ADAMTSL3: variants seen among roughly 807,000 people sequenced by gnomAD.
ADAMTSL3 encodes the protein ADAMTS-like protein 3.
A neutral mutation model predicts 201.7 loss-of-function variants in ADAMTSL3; 128 were observed. The observed-to-expected ratio is 0.63, with a 90% confidence interval of 0.55 to 0.73. ADAMTSL3 has a LOEUF of 0.73. Ranked by LOEUF, ADAMTSL3 falls within the 30% of genes least tolerant of loss-of-function variation. The pLI, the probability that ADAMTSL3 is intolerant of heterozygous loss-of-function variation, is 0.00. For synonymous variants in ADAMTSL3, 738 were observed against 748.4 expected, an observed-to-expected ratio of 0.99 and a Z score of 0.23; for missense variants, 1,990 against 2,119.6, an observed-to-expected ratio of 0.94 and a Z score of 1.20.
chr15:84,023,904 C>T (rs953421853), intron 26 of ADAMTSL3, among the ~76,000 whole-genome samples: 1 of 152,220 alleles, frequency 6.6e-6, no homozygotes, highest in African/African-American at 2.4e-5. Flanking sequence ...AAATAAAATA[C>T]ATTTGATTAC....
intron 23 of ADAMTSL3, among the ~76,000 whole-genome samples, chr15:83,996,548 G>T (rs868163835): frequency 6.6e-6 from 1 of 152,016 alleles, no homozygotes; most frequent in Admixed American, 6.6e-5. Flanking sequence ...TTGGGAGGCC[G>T]AGGCAGGCAG....
intron 10 of ADAMTSL3, among the ~76,000 whole-genome samples, chr15:83,888,681 CCTAGATTGCCA>C (rs2065445294): frequency 1.3e-5 from 2 of 152,106 alleles, no homozygotes; most frequent in Non-Finnish European, 2.9e-5. Flanking sequence ...GGAGAAGGTA[CCTAGATTGCCA>C]TTGCCATCTG....
intron 8 of ADAMTSL3, among the ~76,000 whole-genome samples, chr15:83,865,130 A>G (rs2141807320): frequency 6.6e-6 from 1 of 152,326 alleles, no homozygotes; most frequent in Admixed American, 6.5e-5. Context: ...AAACAAGTGG[A>G]AGAACATTCC....
chr15:83,661,315 G>A (rs2061159962), intron 2 of ADAMTSL3, among the ~76,000 whole-genome samples: 1 of 151,134 alleles, frequency 6.6e-6, no homozygotes, highest in Non-Finnish European at 1.5e-5. Flanking sequence ...CCAATTCTGT[G>A]AAGAAAGGCA....
chr15:83,671,977 C>T (rs755208994), intron 2 of ADAMTSL3, among the ~76,000 whole-genome samples: 44 of 152,174 alleles, frequency 2.9e-4, no homozygotes, highest in Non-Finnish European at 5.7e-4. Flanking sequence ...GGATATTTAA[C>T]GCCTTTGTGC....
At position 83,704,521 on chromosome 15, in the gene ADAMTSL3, G is replaced by T; in HGVS notation, c.189+13G>T. ...CTATGATGACCAGGTAAGAACATTG[G>T]ACAAGGATCTACCTTTGGCTTTGCT... On this transcript the variant is annotated intron_variant, in intron 3 of 29. Transcript: ENST00000286744. The T allele has an allele frequency of 6.2e-7, 1 of 1,614,024 alleles. No homozygotes were observed. The highest frequency in any genetic ancestry group is 8.5e-7 in the Non-Finnish European group (1 of 1,179,986).
At chr15:83,754,872 A>G (rs2062694022) in intron 3 of ADAMTSL3, among the ~76,000 whole-genome samples, 1 of 152,218 alleles carries the variant, frequency 6.6e-6, no homozygotes, top group African/African-American at 2.4e-5. Flanking sequence ...AGGTGAGGAG[A>G]TTGGCGTTAC....
chr15:83,747,100 T>G (rs750317314), intron 3 of ADAMTSL3, among the ~76,000 whole-genome samples: 4 of 152,144 alleles, frequency 2.6e-5, no homozygotes, highest in Non-Finnish European at 5.9e-5. Flanking sequence ...TAGATGGGGT[T>G]TAAGAGAAGG....
intron 23 of ADAMTSL3, among the ~76,000 whole-genome samples, chr15:83,997,414 C>T (rs1231288367): frequency 3.9e-5 from 6 of 152,028 alleles, no homozygotes; most frequent in African/African-American, 1.2e-4. Flanking sequence ...ATGATGAAAC[C>T]CTGTCTCTAC....
At position 83,773,529 on chromosome 15, in the gene ADAMTSL3, A is replaced by G. The variant is rs1425192569; in HGVS notation, c.196A>G (p.Arg66Gly). The G allele has an allele frequency of 1.9e-6, 3 of 1,613,928 alleles. No individual in the cohort carries two copies. The South Asian group carries it at 3.3e-5, about 18-fold the overall frequency. The change falls in exon 4 of 30, where the codon AGA becomes GGA. Residue 66 changes from arginine (R) to glycine (G), a missense_variant. Physicochemically the swap from Arg to Gly is moderately radical, Grantham distance 125. Transcript: ENST00000286744. ...TTTGCTTTTTAACATCTAGACCTCA[A>G]GAAACACTCGTTCAGATGAAGACAA... ...LTYRYDDQTS[R>G]NTRSDEDKDG...
intron 6 of ADAMTSL3, chr15:83,825,053 T>G (rs1415225186): frequency 6.6e-6 from 1 of 152,174 alleles, no homozygotes; most frequent in Non-Finnish European, 1.5e-5. Flanking sequence ...TGTACCACAG[T>G]TTATCCATTC....
intron 2 of ADAMTSL3, among the ~76,000 whole-genome samples, chr15:83,700,402 A>G (rs1415868959): frequency 6.6e-6 from 1 of 152,192 alleles, no homozygotes; most frequent in Non-Finnish European, 1.5e-5. Context: ...TCTCAGAGCT[A>G]TAGTTTACTC....
intron 4 of ADAMTSL3, among the ~76,000 whole-genome samples, chr15:83,784,014 T>C (rs2141800442): frequency 6.6e-6 from 1 of 152,310 alleles, no homozygotes; most frequent in East Asian, 1.9e-4. Flanking sequence ...TGCAGCTTTA[T>C]GTTATTATGG....
chr15:83,762,941 C>T (rs2062830857), intron 3 of ADAMTSL3, among the ~76,000 whole-genome samples: 2 of 151,420 alleles, frequency 1.3e-5, no homozygotes, highest in Non-Finnish European at 2.9e-5. Flanking sequence ...GGCTGGAGTG[C>T]AGTGATGCAG....
At chr15:84,006,266 A>G (rs933066652) in intron 23 of ADAMTSL3, among the ~76,000 whole-genome samples, 1 of 152,202 alleles carries the variant, frequency 6.6e-6, no homozygotes, top group African/African-American at 2.4e-5. Flanking sequence ...ATGATTCCCC[A>G]GAGATAACTG....
chr15:83,814,414 C>G (rs1183966673), intron 5 of ADAMTSL3, among the ~76,000 whole-genome samples: 4 of 152,166 alleles, frequency 2.6e-5, no homozygotes, highest in Admixed American at 2.6e-4. Context: ...TAAGATTTAT[C>G]TCTTATTTAA....
intron 3 of ADAMTSL3, among the ~76,000 whole-genome samples, chr15:83,772,983 T>C (rs1451115582): frequency 6.6e-6 from 1 of 152,186 alleles, no homozygotes; most frequent in African/African-American, 2.4e-5. Context: ...AATTTAGCAA[T>C]GATAAAATTT....
chr15:83,800,847 A>G (rs1381344886), intron 4 of ADAMTSL3, among the ~76,000 whole-genome samples: 1 of 152,222 alleles, frequency 6.6e-6, no homozygotes, highest in Non-Finnish European at 1.5e-5. Context: ...GCTTTTCCAA[A>G]ATAAGAGAGT....
In ADAMTSL3 at chr15:83,758,141, C is replaced by T. The variant is rs896833972; in HGVS notation, c.190-15382C>T. ...TTCAGGTATCTTTACAGCAGCACCC[C>T]ACTCTACCAGTACCAATTTACTGTA... is the stretch of plus-strand genomic sequence containing the variant. On this transcript the variant is annotated intron_variant, in intron 3 of 29. Coordinates refer to ENST00000286744, the MANE Select transcript of ADAMTSL3 (RefSeq NM_207517.3). Among the ~76,000 whole-genome samples, 10 of 152,278 alleles carry T rather than the reference C, an allele frequency of 6.6e-5. No individual in the cohort carries two copies. The East Asian group carries it at 1.4e-3, about 21-fold the overall frequency.
Sources: gnomAD v4.1 joint callset for allele counts (sites outside exome capture counted in the v4.1 genomes callset) on GRCh38, gnomAD v4.1.1 for gene constraint, MANE v1.5 for transcripts, NCBI Gene and HGNC (gene_info 2026-07-23, HGNC 2026-07-21) for gene names.